Variants in CEMIP observed in about 807,000 individuals in gnomAD.
CEMIP encodes the protein cell migration-inducing and hyaluronan-binding protein.
CEMIP carries 105 observed loss-of-function variants against 156.9 expected under a neutral mutation model. The ratio of observed to expected loss-of-function variants is 0.67; its 90% CI spans 0.57 to 0.79. The LOEUF is 0.79. Ranked by LOEUF, CEMIP falls within the 30% of genes least tolerant of loss-of-function variation. The probability of loss-of-function intolerance (pLI) is 0.00; values close to 1 mark genes in which losing one functional copy is unlikely to be tolerated. For missense variants in CEMIP, 1,457 were observed against 1,769.4 expected (o/e 0.82, Z 3.17); for synonymous variants, 676 against 668.4 (o/e 1.01, Z -0.17).
At chr15:80,903,733 T>C (rs1567092792) in intron 12 of CEMIP, among the ~76,000 whole-genome samples, 4 of 152,214 alleles carry the variant, frequency 2.6e-5, no homozygotes, top group Admixed American at 2.0e-4. Context: ...GTCTGATTCC[T>C]TTCCTTGGTG....
intron 6 of CEMIP, among the ~76,000 whole-genome samples, chr15:80,881,338 T>G (rs541513366): frequency 6.6e-6 from 1 of 152,252 alleles, no homozygotes; most frequent in East Asian, 1.9e-4. Flanking sequence ...CATGCACACA[T>G]ATGTACATAC....
chr15:80,866,429 A>G (rs185757624), intron 1 of CEMIP, among the ~76,000 whole-genome samples: 2,651 of 152,106 alleles, frequency 0.017, 44 homozygotes, highest in Admixed American at 0.028. Context: ...ATCTCTACTG[A>G]AAATACAAAA....
intron 21 of CEMIP, among the ~76,000 whole-genome samples, chr15:80,930,437 T>C (rs1018612377): frequency 7.2e-5 from 11 of 152,214 alleles, no homozygotes; most frequent in Non-Finnish European, 1.3e-4. Flanking sequence ...GTTCCTCAAA[T>C]TGCATCTGCA....
At chr15:80,780,486 A>C (rs1428460555) in intron 1 of CEMIP, among the ~76,000 whole-genome samples, 1 of 151,796 alleles carries the variant, frequency 6.6e-6, no homozygotes, top group Non-Finnish European at 1.5e-5. Flanking sequence ...AGCCGCAGAC[A>C]CTCTCTGCGA....
intron 17 of CEMIP, 39 bp downstream of exon 17, chr15:80,922,176 C>G (rs776775451): frequency 6.2e-7 from 1 of 1,612,870 alleles, no homozygotes; most frequent in Non-Finnish European, 8.5e-7. Context: ...GCCAGCCTCT[C>G]GGTCCCCTTC....
intron 1 of CEMIP, among the ~76,000 whole-genome samples, chr15:80,872,647 C>T (rs59598835): frequency 0.052 from 7,860 of 151,900 alleles, 720 homozygotes; most frequent in African/African-American, 0.18. Flanking sequence ...AAATGCTGTC[C>T]CTACTAAAAA....
chr15:80,805,883 G>C (rs1463028421), intron 1 of CEMIP, among the ~76,000 whole-genome samples: 2 of 152,170 alleles, frequency 1.3e-5, no homozygotes, highest in Non-Finnish European at 2.9e-5. Context: ...CATTGTTTGA[G>C]TCATCCTGTG....
At chr15:80,817,723 G>A (rs1896820304) in intron 1 of CEMIP, among the ~76,000 whole-genome samples, 1 of 151,878 alleles carries the variant, frequency 6.6e-6, no homozygotes, top group South Asian at 2.1e-4. Context: ...GCAAAGATGA[G>A]CGAGAACTGC....
intron 28 of CEMIP, chr15:80,946,208 G>T (rs1901547702): frequency 6.6e-6 from 1 of 152,318 alleles, no homozygotes; most frequent in Non-Finnish European, 1.5e-5. Flanking sequence ...CTGCAGCTCA[G>T]AGAAGGCTGG....
chr15:80,917,942 A>G (rs1234628247), intron 14 of CEMIP, among the ~76,000 whole-genome samples: 3 of 152,212 alleles, frequency 2.0e-5, no homozygotes, highest in Non-Finnish European at 4.4e-5. Context: ...CCTTTTAAAG[A>G]ATGGCTGCCT....
Position 80,951,403 on chromosome 15 carries a change from T to C in CEMIP, c.*2479T>C, listed in dbSNP as rs1266430949. 2.6e-5 allele frequency: 4 copies of C among 152,588 alleles called. No individual in the cohort carries two copies. The highest frequency in any genetic ancestry group is 5.9e-5 in the Non-Finnish European group (4 of 68,038). The allele number at this position is 152,588 out of a possible 1,614,324, so 9.5% of individuals were successfully genotyped here. On this transcript the variant is annotated 3_prime_UTR_variant, in exon 30 of 30. Transcript: ENST00000394685. The stretch of plus-strand genomic sequence containing the variant: ...ACAAATTTTCTTATTGCTTAGAAAA[T>C]TGTCCTCCTTGTTATTTCTGTTTGT...
At chr15:80,840,407 C>T (rs1003229497) in intron 1 of CEMIP, among the ~76,000 whole-genome samples, 1 of 152,094 alleles carries the variant, frequency 6.6e-6, no homozygotes, top group Non-Finnish European at 1.5e-5. Flanking sequence ...TGGCAGGGAC[C>T]CCGGCTGGCC....
At chr15:80,786,524 C>T (rs930197721) in intron 1 of CEMIP, among the ~76,000 whole-genome samples, 2 of 150,100 alleles carry the variant, frequency 1.3e-5, no homozygotes, top group Non-Finnish European at 2.9e-5. Flanking sequence ...TTGCACCCAG[C>T]CTGCTATGTC....
chr15:80,936,485 G>C (rs1256484145), intron 23 of CEMIP, among the ~76,000 whole-genome samples, 189 bp from the exon 24 acceptor site: 1 of 152,164 alleles, frequency 6.6e-6, no homozygotes, highest in Non-Finnish European at 1.5e-5. Flanking sequence ...AGTAAGGCCT[G>C]GGCTGCGTCC....
At chr15:80,803,355 G>A (rs763720610) in intron 1 of CEMIP, among the ~76,000 whole-genome samples, 8 of 152,070 alleles carry the variant, frequency 5.3e-5, no homozygotes, top group Non-Finnish European at 1.2e-4. Flanking sequence ...TCACTAGGCA[G>A]GAATGCTATT....
chr15:80,804,612 T>C (rs532711114), intron 1 of CEMIP, among the ~76,000 whole-genome samples: 3 of 152,294 alleles, frequency 2.0e-5, no homozygotes, highest in Non-Finnish European at 2.9e-5. Flanking sequence ...GCTCCAGATG[T>C]CCCAGGAGAG....
At chr15:80,790,525 CTG>C (rs1207098051) in intron 1 of CEMIP, among the ~76,000 whole-genome samples, 1 of 151,414 alleles carries the variant, frequency 6.6e-6, no homozygotes, top group African/African-American at 2.5e-5. Flanking sequence ...AGACATTGTC[CTG>C]TTTTGCAGAT....
intron 6 of CEMIP, among the ~76,000 whole-genome samples, chr15:80,881,812 A>G (rs1352579960): frequency 6.6e-6 from 1 of 152,208 alleles, no homozygotes; most frequent in Non-Finnish European, 1.5e-5. Context: ...AAAAGCAAAG[A>G]TGGTGCAGGG....
At chr15:80,876,654 G>A (rs962383236) in intron 3 of CEMIP, among the ~76,000 whole-genome samples, 1 of 152,224 alleles carries the variant, frequency 6.6e-6, no homozygotes. Flanking sequence ...CTAAGTGCCT[G>A]CACTCTGCTT....
Sources: gnomAD v4.1 joint callset for allele counts (sites outside exome capture counted in the v4.1 genomes callset) on GRCh38, gnomAD v4.1.1 for gene constraint, MANE v1.5 for transcripts, NCBI Gene and HGNC (gene_info 2026-07-23, HGNC 2026-07-21) for gene names.